NF2: variants seen among roughly 807,000 people sequenced by gnomAD.
NF2 encodes NF2, moesin-ezrin-radixin like (MERLIN) tumor suppressor.
A neutral mutation model predicts 83.7 loss-of-function variants in NF2; 8 were observed. The observed-to-expected ratio is 0.10, with a 90% CI of 0.06 to 0.17. The LOEUF is 0.17. Ranked by LOEUF, NF2 falls within the 10% of genes least tolerant of loss-of-function variation. The pLI, the probability that NF2 is intolerant of heterozygous loss-of-function variation, is 1.00. For missense variants in NF2, 533 were observed against 744.4 expected, an observed-to-expected ratio of 0.72 and a Z score of 3.31; for synonymous variants, 266 against 269.6, an observed-to-expected ratio of 0.99 and a Z score of 0.13.
chr22:29,680,738 G>C (rs977794794), intron 14 of NF2, among the ~76,000 whole-genome samples: 8 of 152,160 alleles, frequency 5.3e-5, no homozygotes, highest in East Asian at 3.9e-4. Flanking sequence ...TGGGAATGTG[G>C]ATGTGGCCTA....
At chr22:29,635,453 C>T (rs548064097) in intron 1 of NF2, among the ~76,000 whole-genome samples, 2 of 152,132 alleles carry the variant, frequency 1.3e-5, no homozygotes, top group Admixed American at 6.5e-5. Flanking sequence ...CTCAGCCTCC[C>T]GAGTAGCTGG....
intron 1 of NF2, among the ~76,000 whole-genome samples, chr22:29,619,386 T>TTTTG (rs199935839): frequency 0.19 from 27,587 of 148,610 alleles, 2,912 homozygotes; most frequent in East Asian, 0.56. Flanking sequence ...CATGGGTTTT[T>TTTTG]TTTGTTTGTT....
intron 6 of NF2, among the ~76,000 whole-genome samples, chr22:29,656,498 G>A (rs1249950158): frequency 1.4e-4 from 18 of 131,128 alleles, no homozygotes; most frequent in African/African-American, 4.9e-4. Context: ...CTGCATCTCC[G>A]CCTCCCAGGT....
intron 15 of NF2, among the ~76,000 whole-genome samples, chr22:29,688,730 A>G (rs998479253): frequency 5.9e-5 from 9 of 152,228 alleles, no homozygotes; most frequent in African/African-American, 2.2e-4. Flanking sequence ...TTCTCTTGAG[A>G]GCAGATAAAG....
At chr22:29,627,090 G>A (rs1178037552) in intron 1 of NF2, among the ~76,000 whole-genome samples, 1 of 152,124 alleles carries the variant, frequency 6.6e-6, no homozygotes, top group African/African-American at 2.4e-5. Flanking sequence ...ATAAACTAAA[G>A]GTGAAGTCAT....
chr22:29,651,930 T>C (rs1053447696), intron 4 of NF2, among the ~76,000 whole-genome samples: 4 of 152,140 alleles, frequency 2.6e-5, no homozygotes, highest in Non-Finnish European at 5.9e-5. Context: ...TCCTACCCTT[T>C]CAAAAATCCA....
At chr22:29,653,183 C>T (rs1329827347) in intron 4 of NF2, among the ~76,000 whole-genome samples, 2 of 152,096 alleles carry the variant, frequency 1.3e-5, no homozygotes, top group Non-Finnish European at 2.9e-5. Context: ...CGGTGGCTGA[C>T]GCCTGTAATC....
In NF2 at chr22:29,671,958, G is replaced by A. The variant is rs2147074501; in HGVS notation, c.1122+10G>A. On this transcript the variant is annotated intron_variant, in intron 11 of 15. Transcript: ENST00000338641. ...GGCCAACGAAGCACTGGTGATTTCT[G>A]AGGGGCTGGGGTTCCAGGAGGCTAC... The A allele has an allele frequency of 6.2e-7, 1 of 1,614,202 alleles. No homozygotes were observed. The highest frequency in any genetic ancestry group is 8.5e-7 in the Non-Finnish European group (1 of 1,180,032).
chr22:29,657,650 C>A (rs1364792984), intron 6 of NF2, among the ~76,000 whole-genome samples: 1 of 152,184 alleles, frequency 6.6e-6, no homozygotes. Context: ...GTTATTGCTA[C>A]TTCAAGAGCT....
intron 13 of NF2, among the ~76,000 whole-genome samples, chr22:29,677,512 AAAC>A (rs2067001149): frequency 3.3e-5 from 5 of 151,790 alleles, no homozygotes; most frequent in Non-Finnish European, 5.9e-5. Context: ...AAAAAAAAAA[AAAC>A]TACACCACCC....
At chr22:29,655,084 G>A (rs2066259864) in intron 5 of NF2, among the ~76,000 whole-genome samples, 1 of 152,126 alleles carries the variant, frequency 6.6e-6, no homozygotes, top group Non-Finnish European at 1.5e-5. Context: ...AGATGAGGTA[G>A]GGGTGGGCAT....
chr22:29,634,189 A>G (rs961230559), intron 1 of NF2, among the ~76,000 whole-genome samples: 3 of 152,200 alleles, frequency 2.0e-5, no homozygotes, highest in African/African-American at 7.2e-5. Context: ...TTATTTGCAC[A>G]AAAAGGGTAT....
rs1348854694 is a variant in NF2 at position 29,677,985 on chromosome 22, C to T, written c.1447-211C>T. ...GGTTAGAGATTTGAGGGATGATTTT[C>T]CTGGATTTGTAGTCTTTGATATTGT... On this transcript the variant is annotated intron_variant, in intron 13 of 15. Coordinates refer to ENST00000338641, the MANE Select transcript of NF2 (RefSeq NM_000268.4). 3.7e-5 allele frequency among the ~76,000 whole-genome samples: 5 copies of T among 134,160 alleles called. No individual in the cohort carries two copies. The East Asian group carries it at 6.9e-4, about 18-fold the overall frequency. The allele number at this position is 134,160 out of a possible 152,430, so 88.0% of individuals were successfully genotyped here.
chr22:29,689,177 CAAAAAAAAA>C (rs140087), intron 15 of NF2, among the ~76,000 whole-genome samples: 6 of 89,292 alleles, frequency 6.7e-5, no homozygotes, highest in African/African-American at 9.1e-5. Context: ...GACTCCGTCT[CAAAAAAAAA>C]AAAAAAAAAA....
At position 29,639,236 on chromosome 22, in the gene NF2, C is replaced by A. The variant is rs373867916; in HGVS notation, c.363+24C>A. 480 of 1,613,770 alleles carry A rather than the reference C, an allele frequency of 3.0e-4. 4 individuals are homozygous for A. In the South Asian group the frequency reaches 4.9e-3, roughly 16 times the overall value. On this transcript the variant is annotated intron_variant, in intron 3 of 15. Transcript: ENST00000338641. ...AGGTACATCAGTCAAGGCTACCCCC[C>A]AGTTCTGAGAGAACTTGCCCAGGAG...
At chr22:29,666,855 A>G (rs2066638661) in intron 9 of NF2, among the ~76,000 whole-genome samples, 1 of 151,896 alleles carries the variant, frequency 6.6e-6, no homozygotes, top group African/African-American at 2.4e-5. Context: ...GCATGCCTAT[A>G]AATCCCAGCT....
intron 1 of NF2, among the ~76,000 whole-genome samples, chr22:29,621,161 G>A (rs560136086): frequency 6.6e-6 from 1 of 152,326 alleles, no homozygotes; most frequent in Non-Finnish European, 1.5e-5. Context: ...AGGCTGACAT[G>A]TAAGTTGAGC....
intron 12 of NF2, among the ~76,000 whole-genome samples, chr22:29,674,500 G>A (rs1403405506): frequency 2.0e-5 from 3 of 152,180 alleles, no homozygotes; most frequent in African/African-American, 7.2e-5. Flanking sequence ...CCTTTGCCCA[G>A]CTCACTCTCA....
rs1601526860 is a variant in NF2, at chr22:29,609,190, A to G, written c.114+5078A>G. Reference sequence around the variant, plus strand: ...GCCTTGCCATAAAACCAGGAACCTCAGTTCAGTATTTGGCACCATGGGCTA... The same window carrying G: ...GCCTTGCCATAAAACCAGGAACCTCGGTTCAGTATTTGGCACCATGGGCTA... On this transcript the variant is annotated intron_variant, in intron 1 of 15. Coordinates refer to ENST00000338641, the MANE Select transcript of NF2 (RefSeq NM_000268.4). The G allele has an allele frequency of 4.0e-6, 3 of 741,770 alleles. No individual in the cohort carries two copies. The East Asian group carries it at 7.7e-5, about 19-fold the overall frequency. 45.9% of individuals were successfully genotyped at this position (741,770 alleles called of 1,614,324 possible). A position where few individuals can be genotyped will look rare whatever the true frequency, so the allele number is the denominator to read the frequency against.
Sources: allele counts gnomAD v4.1 joint callset (sites outside exome capture counted in the v4.1 genomes callset), GRCh38; gene constraint gnomAD v4.1.1; transcripts MANE v1.5; gene names NCBI Gene and HGNC (gene_info 2026-07-23, HGNC 2026-07-21).